The following KANSL1L variants were observed in gnomAD, a reference collection of about 807,000 sequenced individuals.
The protein encoded by KANSL1L is KAT8 regulatory NSL complex subunit 1-like protein.
In KANSL1L, 25 loss-of-function variants were observed where a neutral mutation model predicts 108.6. That is an observed-to-expected ratio of 0.23 (90% CI 0.17 to 0.32). KANSL1L has a LOEUF of 0.32. KANSL1L is among the 10% of genes least tolerant of loss of function. KANSL1L has a pLI of 1.00. For missense variants in KANSL1L, 1,137 were observed against 1,125.7 expected (o/e 1.01, Z -0.14); for synonymous variants, 405 against 395.1 (o/e 1.03, Z -0.30).
chr2:210,028,097 T>C (rs2093962066), intron 11 of KANSL1L, among the ~76,000 whole-genome samples: 1 of 152,210 alleles, frequency 6.6e-6, no homozygotes, highest in Non-Finnish European at 1.5e-5. Context: ...TCTAAAAAGT[T>C]TGGCTAACGT....
chr2:210,024,696 TTTC>T (rs911335340), intron 13 of KANSL1L, among the ~76,000 whole-genome samples: 177 of 152,216 alleles, frequency 1.2e-3, no homozygotes, highest in African/African-American at 3.9e-3. Flanking sequence ...ATTAAACAGG[TTTC>T]TTGAGAAATT....
In KANSL1L at chr2:210,075,570, A is replaced by C; in HGVS notation, c.1737T>G (p.Thr579=). The C allele has an allele frequency of 6.2e-7, 1 of 1,613,632 alleles. No homozygotes were observed. The highest frequency in any genetic ancestry group is 2.2e-5 in the East Asian group (1 of 44,862). The change falls in exon 6 of 15, where the codon ACT becomes ACG. Residue 579 remains threonine (T), a synonymous_variant. Coordinates refer to ENST00000281772, the MANE Select transcript of KANSL1L (RefSeq NM_152519.4). ...HKRKLYRLSP[T]FYWTPQTLPS... Reference sequence around the variant, plus strand: ...GCCTTACCTGTGGAGTCCAATAAAAAGTAGGGCTCAATCTGTACAGTTTTC... The same window carrying C: ...GCCTTACCTGTGGAGTCCAATAAAACGTAGGGCTCAATCTGTACAGTTTTC...
intron 9 of KANSL1L, chr2:210,031,171 G>A: frequency 2.8e-6 from 1 of 351,476 alleles, no homozygotes; most frequent in South Asian, 3.2e-5. Context: ...TCCAGGGACT[G>A]ATTGGTAGAA....
In KANSL1L at chr2:210,040,504, C is replaced by T. The variant is rs1213322595; in HGVS notation, c.1945G>A (p.Glu649Lys). 1 of 1,545,264 alleles carries T rather than the reference C, an allele frequency of 6.5e-7. No individual in the cohort carries two copies. ...ATTTCAGTCTTTTTTAACAGTGTTT[C>T]AAAGTGAAAATGAAGAGGCACATCT... ...PSDVPLHFHF[E>K]TLLKKTEIKG... is the part of the protein sequence containing the mutation. The change falls in exon 8 of 15, where the codon GAA (glutamate) becomes AAA (lysine). Residue 649 changes from glutamate to lysine, a missense_variant. Glu to Lys is a moderately conservative substitution (Grantham distance 56). Coordinates refer to ENST00000281772, the MANE Select transcript of KANSL1L (RefSeq NM_152519.4).
intron 6 of KANSL1L, among the ~76,000 whole-genome samples, chr2:210,047,428 C>T (rs1046250980): frequency 3.9e-5 from 6 of 152,176 alleles, no homozygotes; most frequent in African/African-American, 1.4e-4. Flanking sequence ...CTACCTTCCA[C>T]AAGACACTAG....
chr2:210,100,277 C>A (rs777042056), intron 4 of KANSL1L, among the ~76,000 whole-genome samples: 1 of 152,164 alleles, frequency 6.6e-6, no homozygotes, highest in East Asian at 1.9e-4. Context: ...ACCATCCCCC[C>A]ATCCCCACCC....
rs773260406 is a variant in KANSL1L at position 210,040,323 on chromosome 2, T to A, written c.2029+97A>T. 17 of 682,874 alleles carry A rather than the reference T, an allele frequency of 2.5e-5. No individual in the cohort carries two copies. In the African/African-American group the frequency reaches 3.0e-4, roughly 12 times the overall value. 42.3% of individuals were successfully genotyped at this position (682,874 alleles called of 1,614,324 possible). A position where few individuals can be genotyped will look rare whatever the true frequency, so the allele number is the denominator to read the frequency against. ...ATTAAAAATTAAGGATTTTCATGTA[T>A]TCTTTTCTTAGATTTTATTTTTCTT... On this transcript the variant is annotated intron_variant, in intron 8 of 14. Transcript: ENST00000281772.
intron 2 of KANSL1L, among the ~76,000 whole-genome samples, chr2:210,147,531 T>C (rs1046893475): frequency 6.6e-6 from 1 of 152,218 alleles, no homozygotes; most frequent in Non-Finnish European, 1.5e-5. Context: ...TTTGAATTTC[T>C]GCCCTTTACT....
chr2:210,146,106 T>C (rs1254691535), intron 2 of KANSL1L, among the ~76,000 whole-genome samples: 1 of 152,122 alleles, frequency 6.6e-6, no homozygotes, highest in Non-Finnish European at 1.5e-5. Context: ...CAGTGGTGAC[T>C]ATGGTAGCAC....
At chr2:210,163,927 G>C (rs1479477092) in intron 1 of KANSL1L, among the ~76,000 whole-genome samples, 1 of 151,930 alleles carries the variant, frequency 6.6e-6, no homozygotes, top group Non-Finnish European at 1.5e-5. Flanking sequence ...ATCCAAAATG[G>C]TAAAATTATT....
chr2:210,061,167 A>G (rs1208860194), intron 6 of KANSL1L, among the ~76,000 whole-genome samples: 1 of 152,260 alleles, frequency 6.6e-6, no homozygotes, highest in African/African-American at 2.4e-5. Context: ...TTATAATACA[A>G]TAAGTAGACT....
chr2:210,078,928 A>AG (rs1193414723), intron 5 of KANSL1L, among the ~76,000 whole-genome samples: 1 of 152,188 alleles, frequency 6.6e-6, no homozygotes, highest in African/African-American at 2.4e-5. Flanking sequence ...TTAAAAAAAA[A>AG]TAAGGTTTAT....
At chr2:210,124,271 C>T (rs1220859185) in intron 3 of KANSL1L, among the ~76,000 whole-genome samples, 1 of 151,996 alleles carries the variant, frequency 6.6e-6, no homozygotes, top group Non-Finnish European at 1.5e-5. Flanking sequence ...TATTATATCT[C>T]AACAGATATA....
chr2:210,122,989 G>A (rs2095035007), intron 3 of KANSL1L, among the ~76,000 whole-genome samples: 1 of 152,126 alleles, frequency 6.6e-6, no homozygotes, highest in African/African-American at 2.4e-5. Flanking sequence ...AAACTACAAT[G>A]AGCTATCATC....
At chr2:210,111,980 G>A (rs571307546) in intron 3 of KANSL1L, among the ~76,000 whole-genome samples, 18 of 150,282 alleles carry the variant, frequency 1.2e-4, no homozygotes, top group East Asian at 9.9e-4. Context: ...GAGAACATGC[G>A]GTGTTTGGTT....
intron 3 of KANSL1L, among the ~76,000 whole-genome samples, chr2:210,118,390 T>G (rs763499733): frequency 1.4e-5 from 2 of 141,624 alleles, no homozygotes; most frequent in African/African-American, 5.4e-5. Context: ...GTTGCTTGAA[T>G]CGGGAGGTGG....
chr2:210,149,549 A>G (rs1359819250), intron 2 of KANSL1L, among the ~76,000 whole-genome samples: 1 of 152,146 alleles, frequency 6.6e-6, no homozygotes, highest in Non-Finnish European at 1.5e-5. Context: ...TCTAGATTTG[A>G]AAAATCTTTT....
At chr2:210,098,391 T>C (rs2094759572) in intron 4 of KANSL1L, among the ~76,000 whole-genome samples, 184 bp from the exon 5 acceptor site, 1 of 152,218 alleles carries the variant, frequency 6.6e-6, no homozygotes, top group African/African-American at 2.4e-5. Context: ...AAATCTATAC[T>C]TTAAGTACCC....
chr2:210,160,725 C>G (rs2095357008), intron 1 of KANSL1L, among the ~76,000 whole-genome samples: 1 of 152,150 alleles, frequency 6.6e-6, no homozygotes, highest in Non-Finnish European at 1.5e-5. Flanking sequence ...TGTTATGATG[C>G]TAATTCTCCT....
Sources: gnomAD v4.1 joint callset for allele counts (sites outside exome capture counted in the v4.1 genomes callset) on GRCh38, gnomAD v4.1.1 for gene constraint, MANE v1.5 for transcripts, NCBI Gene and HGNC (gene_info 2026-07-23, HGNC 2026-07-21) for gene names.